BBS9: variants seen among roughly 807,000 people sequenced by gnomAD.
BBS9 encodes the protein Bardet-Biedl syndrome 9.
BBS9 carries 89 observed loss-of-function variants against 117.7 expected under a neutral mutation model. That is an observed-to-expected ratio of 0.76 (90% confidence interval 0.64 to 0.90). BBS9 has a LOEUF of 0.90. Among genes scored for constraint, BBS9 ranks in the 40% least tolerant of loss-of-function variants. The pLI is 0.00. For missense variants in BBS9, 982 were observed against 1,042.2 expected (o/e 0.94, Z 0.80); for synonymous variants, 379 against 370.9 (o/e 1.02, Z -0.25).
intron 19 of BBS9, among the ~76,000 whole-genome samples, chr7:33,408,926 T>C (rs1830596352): frequency 2.6e-5 from 4 of 152,236 alleles, no homozygotes. Context: ...TGGTATCTCA[T>C]TGTGGTTTTC....
chr7:33,367,706 T>G, intron 16 of BBS9, 61 bp from the exon 17 acceptor site: 2 of 1,424,640 alleles, frequency 1.4e-6, no homozygotes, highest in East Asian at 4.6e-5. Context: ...AAGGTTCCTA[T>G]TTCAAATGTG....
chr7:33,484,392 G>A (rs1001415877), intron 19 of BBS9, among the ~76,000 whole-genome samples: 1 of 152,142 alleles, frequency 6.6e-6, no homozygotes, highest in Non-Finnish European at 1.5e-5. Flanking sequence ...TGGAATCATA[G>A]CCATTTAAAA....
intron 21 of BBS9, among the ~76,000 whole-genome samples, chr7:33,627,529 G>T (rs187488392): frequency 3.9e-4 from 60 of 152,278 alleles, no homozygotes; most frequent in African/African-American, 1.2e-3. Flanking sequence ...TCCACTGACA[G>T]CTTGTACCAT....
chr7:33,250,206 C>G (rs1796010629), intron 5 of BBS9, among the ~76,000 whole-genome samples: 1 of 152,132 alleles, frequency 6.6e-6, no homozygotes, highest in African/African-American at 2.4e-5. Context: ...CTGCAGGTTT[C>G]AGTCTTCTCG....
chr7:33,267,274 T>C (rs1284264273), intron 7 of BBS9, among the ~76,000 whole-genome samples: 1 of 152,176 alleles, frequency 6.6e-6, no homozygotes, highest in Admixed American at 6.5e-5. Context: ...TTTTCTATCT[T>C]TCCACTTTGA....
chr7:33,537,486 A>C (rs1185504788), intron 21 of BBS9, among the ~76,000 whole-genome samples: 1 of 152,132 alleles, frequency 6.6e-6, no homozygotes, highest in East Asian at 1.9e-4. Context: ...TATTTCTCTC[A>C]TCTGTAGCTC....
chr7:33,266,396 T>A (rs1443013844), intron 7 of BBS9, among the ~76,000 whole-genome samples: 2 of 152,206 alleles, frequency 1.3e-5, no homozygotes, highest in African/African-American at 4.8e-5. Context: ...CACAGCTACC[T>A]TTTTATTGAT....
chr7:33,258,701 G>T (rs1392658445), intron 6 of BBS9, among the ~76,000 whole-genome samples: 1 of 152,148 alleles, frequency 6.6e-6, no homozygotes, highest in African/African-American at 2.4e-5. Flanking sequence ...CCAGCTCTGT[G>T]CCTCACCTCC....
At chr7:33,532,456 G>A (rs755400412) in intron 20 of BBS9, among the ~76,000 whole-genome samples, 12 of 152,200 alleles carry the variant, frequency 7.9e-5, no homozygotes, top group African/African-American at 1.4e-4. Flanking sequence ...TGGCTGGGGA[G>A]ATGTCGGGAA....
At position 33,129,672 on chromosome 7, in the gene BBS9, C is replaced by G. The variant is rs1395775533; in HGVS notation, c.-381C>G. ...CCATTCACCGCCTCCTCCATCCTTTCCTCCTCGGTGTGAGCAGCAGGACTT... is the reference window on the plus strand; with the variant it reads ...CCATTCACCGCCTCCTCCATCCTTTGCTCCTCGGTGTGAGCAGCAGGACTT... On this transcript the variant is annotated 5_prime_UTR_variant, in exon 1 of 23. Coordinates refer to ENST00000242067, the MANE Select transcript of BBS9 (RefSeq NM_198428.3). 1 of 152,780 alleles carries G rather than the reference C, an allele frequency of 6.5e-6. No homozygotes were observed. Among genetic ancestry groups the G allele is most frequent in the Non-Finnish European group, 1.5e-5 (1 of 68,442 alleles). The allele number at this position is 152,780 out of a possible 1,614,324, so 9.5% of individuals were successfully genotyped here. A position where few individuals can be genotyped will look rare whatever the true frequency, so the allele number is the denominator to read the frequency against.
intron 21 of BBS9, among the ~76,000 whole-genome samples, chr7:33,559,789 G>C (rs111637041): frequency 0.012 from 1,845 of 152,106 alleles, 40 homozygotes; most frequent in South Asian, 0.11. Context: ...TCTAGTTCCT[G>C]TGTCTCCAGC....
At chr7:33,203,337 G>A (rs1197022046) in intron 5 of BBS9, among the ~76,000 whole-genome samples, 1 of 152,140 alleles carries the variant, frequency 6.6e-6, no homozygotes, top group Non-Finnish European at 1.5e-5. Context: ...CAGAGTTTCT[G>A]ATTCAGTAGG....
In BBS9 at chr7:33,589,007, A is replaced by G. The variant is rs148011128; in HGVS notation, c.2522-15858A>G. ...AAGCCATTTTGAATGAAGGAATGAC[A>G]TGACTTTACCTTTTAAAACGATCAC... is the stretch of plus-strand genomic sequence containing the variant. On this transcript the variant is annotated intron_variant, in intron 21 of 22. Transcript: ENST00000242067. 1.4e-4 allele frequency among the ~76,000 whole-genome samples: 21 copies of G among 152,268 alleles called. 1 individual carries two copies. In the East Asian group the frequency reaches 3.7e-3, roughly 27 times the overall value.
chr7:33,520,174 A>G (rs897718587), intron 20 of BBS9, among the ~76,000 whole-genome samples: 12 of 151,986 alleles, frequency 7.9e-5, no homozygotes, highest in African/African-American at 2.9e-4. Flanking sequence ...GCACCCAACT[A>G]ATTTTTGTAG....
chr7:33,528,015 TATAATC>T (rs1041198018), intron 20 of BBS9, among the ~76,000 whole-genome samples: 10 of 152,340 alleles, frequency 6.6e-5, no homozygotes, highest in Non-Finnish European at 1.5e-4. Context: ...AATATTTAGA[TATAATC>T]TAATAAGTAT....
At chr7:33,290,044 CAAAAA>C (rs202030600) in intron 9 of BBS9, among the ~76,000 whole-genome samples, 1 of 141,900 alleles carries the variant, frequency 7.0e-6, no homozygotes, top group Non-Finnish European at 1.5e-5. Flanking sequence ...GACTCTATCT[CAAAAA>C]AAAAAAAAAA....
At chr7:33,365,032 T>C (rs1821406953) in intron 16 of BBS9, among the ~76,000 whole-genome samples, 1 of 151,994 alleles carries the variant, frequency 6.6e-6, no homozygotes, top group Non-Finnish European at 1.5e-5. Context: ...ATTTCATTCA[T>C]TGTATTTTTT....
chr7:33,546,225 G>A (rs1452316971), intron 21 of BBS9, among the ~76,000 whole-genome samples: 3 of 151,932 alleles, frequency 2.0e-5, no homozygotes, highest in Admixed American at 6.6e-5. Flanking sequence ...GAGCCACTGC[G>A]CCCGGCCTAT....
At chr7:33,414,107 A>G (rs1831593557) in intron 19 of BBS9, among the ~76,000 whole-genome samples, 1 of 152,208 alleles carries the variant, frequency 6.6e-6, no homozygotes, top group Admixed American at 6.5e-5. Context: ...TTCCCAGAGG[A>G]GACTGAGAAG....
Sources: allele counts gnomAD v4.1 joint callset (sites outside exome capture counted in the v4.1 genomes callset), GRCh38; gene constraint gnomAD v4.1.1; transcripts MANE v1.5; gene names NCBI Gene and HGNC (gene_info 2026-07-23, HGNC 2026-07-21).